Variants in GABRR2 observed in about 807,000 individuals in gnomAD.
GABRR2 encodes gamma-aminobutyric acid receptor subunit rho-2.
GABRR2 carries 36 observed loss-of-function variants against 47.0 expected under a neutral mutation model. The observed-to-expected ratio is 0.77, with a 90% CI of 0.59 to 1.01. The LOEUF (loss-of-function observed/expected upper bound fraction) is 1.01, where lower values mean the gene tolerates loss of function less well. GABRR2 is among the 50% of genes least tolerant of loss of function. The probability of loss-of-function intolerance (pLI) is 0.00; values close to 1 mark genes in which losing one functional copy is unlikely to be tolerated. For missense variants in GABRR2, 587 were observed against 594.6 expected (o/e 0.99, Z 0.13); for synonymous variants, 204 against 227.5 (o/e 0.90, Z 0.93).
chr6:89,274,541 C>T (rs1015091865), intron 2 of GABRR2, among the ~76,000 whole-genome samples: 3 of 151,992 alleles, frequency 2.0e-5, no homozygotes, highest in Non-Finnish European at 4.4e-5. Context: ...GAGGCTTGGC[C>T]CCTTAACACT....
intron 1 of GABRR2, chr6:89,301,768 C>A: frequency 1.4e-6 from 1 of 729,810 alleles, no homozygotes; most frequent in Non-Finnish European, 2.5e-6. Flanking sequence ...CAGCCGCCTG[C>A]CAGACACGCC....
chr6:89,305,277 C>T (rs1171598507), intron 1 of GABRR2, among the ~76,000 whole-genome samples: 1 of 152,198 alleles, frequency 6.6e-6, no homozygotes, highest in Non-Finnish European at 1.5e-5. Context: ...ATCACTTGAA[C>T]CCGAGAGGTG....
chr6:89,289,978 T>C (rs1389459524), intron 2 of GABRR2, among the ~76,000 whole-genome samples: 1 of 152,048 alleles, frequency 6.6e-6, no homozygotes, highest in Non-Finnish European at 1.5e-5. Flanking sequence ...ATGGGACTCT[T>C]TGATTCCTGA....
intron 2 of GABRR2, among the ~76,000 whole-genome samples, chr6:89,292,697 C>T (rs1484915012): frequency 6.9e-6 from 1 of 144,688 alleles, no homozygotes; most frequent in Non-Finnish European, 1.5e-5. Flanking sequence ...AGATATATAT[C>T]GTATCTCTGA....
intron 1 of GABRR2, among the ~76,000 whole-genome samples, chr6:89,304,497 G>A (rs1483816993): frequency 2.6e-5 from 4 of 151,618 alleles, no homozygotes; most frequent in Non-Finnish European, 4.4e-5. Context: ...ACTGAGGCAC[G>A]AGAATCACTT....
chr6:89,266,956 G>C (rs184077516), intron 6 of GABRR2, among the ~76,000 whole-genome samples: 1 of 150,788 alleles, frequency 6.6e-6, no homozygotes, highest in Non-Finnish European at 1.5e-5. Flanking sequence ...GAGTAGTTAG[G>C]ACCAGGGGCA....
rs1773572896 is a variant in GABRR2, at chr6:89,254,987, A to C, written c.*2683T>G. ...TGTTTTAATTTGTGAACAGGCAACT[A>C]TGTTATATGAGCCATAATGCATGAA... On this transcript the variant is annotated 3_prime_UTR_variant, in exon 9 of 9. Transcript: ENST00000402938. Among the ~76,000 whole-genome samples, 1 of 152,242 alleles carries C rather than the reference A, an allele frequency of 6.6e-6. No homozygotes were observed. The highest frequency in any genetic ancestry group is 2.1e-4 in the South Asian group (1 of 4,828).
intron 8 of GABRR2, among the ~76,000 whole-genome samples, chr6:89,262,514 T>C (rs1773772333): frequency 6.6e-6 from 1 of 152,216 alleles, no homozygotes; most frequent in African/African-American, 2.4e-5. Context: ...CAGACTGGAA[T>C]CCTTTATAAG....
intron 2 of GABRR2, among the ~76,000 whole-genome samples, chr6:89,280,253 T>TATATATATACAC (rs1242640059): frequency 9.9e-4 from 124 of 124,696 alleles, no homozygotes; most frequent in South Asian, 3.5e-3. Context: ...TATATATATA[T>TATATATATACAC]ACATACATAT....
In GABRR2 at chr6:89,312,781, C is replaced by T. The variant is rs72923902; in HGVS notation, c.113+2272G>A. Among the ~76,000 whole-genome samples, 1,072 of 152,344 alleles carry T rather than the reference C, an allele frequency of 7.0e-3. 6 individuals are homozygous for T. The highest frequency in any genetic ancestry group is 0.031 in the Middle Eastern group (9 of 294). On this transcript the variant is annotated intron_variant, in intron 1 of 8. Transcript: ENST00000402938. ...CTCATGGATGCAGAAAGGCCCAGAA[C>T]CACATTCCCTGTCCTTTTCCCCCAG...
In GABRR2 at chr6:89,292,828, TCG is replaced by T. The variant is rs1491238364; in HGVS notation, c.220+6929_220+6930del. Among the ~76,000 whole-genome samples the T allele has an allele frequency of 6.5e-3, 250 of 38,286 alleles. 36 individuals carry two copies. Among genetic ancestry groups the T allele is most frequent in the Non-Finnish European group, 0.01 (196 of 19,470 alleles). 25.1% of individuals were successfully genotyped at this position (38,286 alleles called of 152,430 possible). A position where few individuals can be genotyped will look rare whatever the true frequency, so the allele number is the denominator to read the frequency against. On this transcript the variant is annotated intron_variant, in intron 2 of 8. Coordinates refer to ENST00000402938, the MANE Select transcript of GABRR2 (RefSeq NM_002043.5). ...TCGTATATACGATATATCGTATATA[TCG>T]TATATACGATATATCGTATATATCA... is the stretch of plus-strand genomic sequence containing the variant.
In GABRR2 at chr6:89,292,346, T is replaced by TATATATA. The variant is rs1774457039; in HGVS notation, c.220+7412_220+7413insTATATAT. Among the ~76,000 whole-genome samples, 11 of 13,834 alleles carry TATATATA rather than the reference T, an allele frequency of 8.0e-4. 1 individual carries two copies. The highest frequency in any genetic ancestry group is 3.4e-3 in the Admixed American group (3 of 892). 9.1% of individuals were successfully genotyped at this position (13,834 alleles called of 152,430 possible). A position where few individuals can be genotyped will look rare whatever the true frequency, so the allele number is the denominator to read the frequency against. ...CATGGTGGTTTCTCAAAAAAAAATT[T>TATATATA]TATATATATATATATATATATATAT... On this transcript the variant is annotated intron_variant, in intron 2 of 8. Transcript: ENST00000402938.
chr6:89,294,965 T>A (rs1386433248), intron 2 of GABRR2, among the ~76,000 whole-genome samples: 1 of 152,076 alleles, frequency 6.6e-6, no homozygotes, highest in Non-Finnish European at 1.5e-5. Flanking sequence ...AAAAAGGACA[T>A]GAACTCATCC....
chr6:89,272,725 G>C (rs912976), intron 2 of GABRR2, among the ~76,000 whole-genome samples: 23,710 of 152,194 alleles, frequency 0.16, 1,987 homozygotes, highest in African/African-American at 0.2. Flanking sequence ...TCAGGACGTT[G>C]TGACCCACTG....
At chr6:89,285,829 C>G (rs1466137264) in intron 2 of GABRR2, among the ~76,000 whole-genome samples, 1 of 152,106 alleles carries the variant, frequency 6.6e-6, no homozygotes, top group African/African-American at 2.4e-5. Context: ...CCCTCCTTCC[C>G]CAATGTCCTT....
At chr6:89,305,805 A>T (rs1767548718) in intron 1 of GABRR2, among the ~76,000 whole-genome samples, 1 of 152,114 alleles carries the variant, frequency 6.6e-6, no homozygotes, top group Admixed American at 6.6e-5. Context: ...TTGAGTGTGG[A>T]GGGTGGGAGG....
chr6:89,273,543 T>G (rs938994979), intron 2 of GABRR2, among the ~76,000 whole-genome samples: 1 of 152,212 alleles, frequency 6.6e-6, no homozygotes, highest in African/African-American at 2.4e-5. Flanking sequence ...CTGCATTCTC[T>G]TTTTATTCCA....
intron 8 of GABRR2, among the ~76,000 whole-genome samples, chr6:89,263,774 C>T (rs769586702): frequency 5.3e-5 from 8 of 152,214 alleles, no homozygotes; most frequent in Non-Finnish European, 8.8e-5. Flanking sequence ...CCGCCCACCT[C>T]GGCCTCCCAA....
chr6:89,284,844 C>G (rs760913733), intron 2 of GABRR2, among the ~76,000 whole-genome samples: 8 of 152,214 alleles, frequency 5.3e-5, no homozygotes, highest in Non-Finnish European at 5.9e-5. Flanking sequence ...TGTTTTACCT[C>G]TCAAAAATTT....
Sources: gnomAD v4.1 joint callset for allele counts (sites outside exome capture counted in the v4.1 genomes callset) on GRCh38, gnomAD v4.1.1 for gene constraint, MANE v1.5 for transcripts, NCBI Gene and HGNC (gene_info 2026-07-23, HGNC 2026-07-21) for gene names.